BAIAP2L1: variants seen among roughly 807,000 people sequenced by gnomAD.
The protein encoded by BAIAP2L1 is BAR/IMD domain containing adaptor protein 2 like 1, also known as BAR/IMD domain-containing adapter protein 2-like 1.
A neutral mutation model predicts 66.3 loss-of-function variants in BAIAP2L1; 35 were observed. The ratio of observed to expected loss-of-function variants is 0.53; its 90% CI spans 0.40 to 0.70. The LOEUF is 0.70. Among genes scored for constraint, BAIAP2L1 ranks in the 30% least tolerant of loss-of-function variants. The pLI is 0.00. For missense variants in BAIAP2L1, 622 were observed against 656.9 expected (o/e 0.95, Z 0.58); for synonymous variants, 269 against 248.7 (o/e 1.08, Z -0.77).
chr7:98,362,019 A>G (rs898127843), intron 2 of BAIAP2L1, among the ~76,000 whole-genome samples: 14 of 152,258 alleles, frequency 9.2e-5, no homozygotes, highest in African/African-American at 3.4e-4. Flanking sequence ...TATACATAAA[A>G]GGAGAATAAT....
At chr7:98,372,638 C>T (rs752953825) in intron 1 of BAIAP2L1, among the ~76,000 whole-genome samples, 4 of 151,332 alleles carry the variant, frequency 2.6e-5, no homozygotes, top group African/African-American at 9.7e-5. Flanking sequence ...CGAGTGACAT[C>T]ACAAATGTTC....
chr7:98,353,597 GTATAT>G (rs1215738482), intron 3 of BAIAP2L1, among the ~76,000 whole-genome samples: 1 of 132,120 alleles, frequency 7.6e-6, no homozygotes, highest in African/African-American at 2.9e-5. Context: ...ATTTATATAT[GTATAT>G]TATATGTATA....
chr7:98,344,814 T>C (rs939958005), intron 3 of BAIAP2L1, among the ~76,000 whole-genome samples: 1 of 152,188 alleles, frequency 6.6e-6, no homozygotes, highest in South Asian at 2.1e-4. Flanking sequence ...CACATGCCTG[T>C]AATCCCAGCT....
At chr7:98,303,349 G>C (rs1460589981) in intron 12 of BAIAP2L1, among the ~76,000 whole-genome samples, 6 of 152,108 alleles carry the variant, frequency 3.9e-5, no homozygotes, top group Non-Finnish European at 8.8e-5. Context: ...CTCCTGGAGC[G>C]AGGGGTGCAG....
chr7:98,367,838 G>A (rs1180954670), intron 1 of BAIAP2L1, among the ~76,000 whole-genome samples: 1 of 151,902 alleles, frequency 6.6e-6, no homozygotes, highest in African/African-American at 2.4e-5. Context: ...TGGTCAGGCT[G>A]GTCTTGAACT....
At chr7:98,295,903 AT>A (rs1363217954) in intron 12 of BAIAP2L1, among the ~76,000 whole-genome samples, 2 of 152,298 alleles carry the variant, frequency 1.3e-5, no homozygotes, top group South Asian at 2.1e-4. Flanking sequence ...AACGCTTAAG[AT>A]GACAGCTGGA....
chr7:98,304,163 G>T, intron 12 of BAIAP2L1, 33 bp downstream of exon 12: 1 of 1,530,022 alleles, frequency 6.5e-7, no homozygotes, highest in Admixed American at 2.2e-5. Context: ...GGCGAGTCCA[G>T]GACCCAGGAC....
intron 5 of BAIAP2L1, among the ~76,000 whole-genome samples, chr7:98,319,548 CTTT>C (rs35466813): frequency 1.4e-5 from 2 of 138,528 alleles, no homozygotes; most frequent in East Asian, 2.1e-4. Flanking sequence ...TTTCCTATGC[CTTT>C]TTTTTTTTTT....
At chr7:98,320,713 T>C (rs1328253546) in intron 3 of BAIAP2L1, among the ~76,000 whole-genome samples, 1 of 152,210 alleles carries the variant, frequency 6.6e-6, no homozygotes, top group East Asian at 1.9e-4. Flanking sequence ...TCAGGGTCTC[T>C]AAGCATCATC....
At chr7:98,393,193 T>TTC (rs1479874085) in intron 1 of BAIAP2L1, among the ~76,000 whole-genome samples, 2 of 89,614 alleles carry the variant, frequency 2.2e-5, no homozygotes, top group Non-Finnish European at 5.8e-5. Context: ...ATGTGTGTGT[T>TTC]TATATATATA....
intron 2 of BAIAP2L1, among the ~76,000 whole-genome samples, chr7:98,356,056 C>T: frequency 6.6e-6 from 1 of 152,158 alleles, no homozygotes; most frequent in East Asian, 1.9e-4. Context: ...TTTATTGCTA[C>T]AAGGTGGGTT....
chr7:98,326,628 G>C (rs1243108690), intron 3 of BAIAP2L1, among the ~76,000 whole-genome samples: 1 of 152,166 alleles, frequency 6.6e-6, no homozygotes, highest in Non-Finnish European at 1.5e-5. Flanking sequence ...CGAGTCCACA[G>C]TAAACAGATT....
At chr7:98,306,614 C>CCCA in intron 10 of BAIAP2L1, 98 bp from the exon 11 acceptor site, 1 of 1,562,194 alleles carries the variant, frequency 6.4e-7, no homozygotes, top group Non-Finnish European at 8.8e-7. Flanking sequence ...GACAGGTCCA[C>CCCA]TGCTCCAGAA....
chr7:98,297,963 G>T (rs1317059657), intron 12 of BAIAP2L1, among the ~76,000 whole-genome samples: 1 of 152,264 alleles, frequency 6.6e-6, no homozygotes, highest in Non-Finnish European at 1.5e-5. Flanking sequence ...GGGCACAGTG[G>T]CTCACGCCTG....
At chr7:98,353,066 C>T (rs1014210434) in intron 3 of BAIAP2L1, among the ~76,000 whole-genome samples, 5 of 151,934 alleles carry the variant, frequency 3.3e-5, no homozygotes, top group African/African-American at 9.7e-5. Context: ...CCGGCAGCCT[C>T]CGTATTTTAT....
At chr7:98,331,214 G>C (rs941979564) in intron 3 of BAIAP2L1, among the ~76,000 whole-genome samples, 14 of 152,060 alleles carry the variant, frequency 9.2e-5, no homozygotes, top group Non-Finnish European at 1.6e-4. Flanking sequence ...AACAAAAAAT[G>C]AAACAGAATA....
chr7:98,308,399 G>A (rs183852930), intron 9 of BAIAP2L1: 160 of 411,112 alleles, frequency 3.9e-4, no homozygotes, highest in African/African-American at 2.8e-3. Flanking sequence ...AGGACAAGGT[G>A]AGGATGAGTT....
At chr7:98,339,693 G>C (rs1003153433) in intron 3 of BAIAP2L1, among the ~76,000 whole-genome samples, 1 of 152,196 alleles carries the variant, frequency 6.6e-6, no homozygotes, top group Non-Finnish European at 1.5e-5. Context: ...CTACCTGTGC[G>C]TGTGACCGCA....
At chr7:98,308,053 G>T in intron 9 of BAIAP2L1, 157 bp from the exon 10 acceptor site, 1 of 761,666 alleles carries the variant, frequency 1.3e-6, no homozygotes, top group Non-Finnish European at 2.3e-6. Context: ...TTTGATCATT[G>T]CCCAGAAGGA....
Sources: gnomAD v4.1 joint callset for allele counts (sites outside exome capture counted in the v4.1 genomes callset) on GRCh38, gnomAD v4.1.1 for gene constraint, MANE v1.5 for transcripts, NCBI Gene and HGNC (gene_info 2026-07-23, HGNC 2026-07-21) for gene names.